The following ERCC6L2 variants were observed in gnomAD, a reference collection of about 807,000 sequenced individuals.
ERCC6L2 encodes the protein ERCC excision repair 6 like 2, also known as DNA excision repair protein ERCC-6-like 2.
ERCC6L2 carries 77 observed loss-of-function variants against 132.0 expected under a neutral mutation model. The ratio of observed to expected loss-of-function variants is 0.58; its 90% confidence interval spans 0.49 to 0.71. The LOEUF (loss-of-function observed/expected upper bound fraction) is 0.71, where lower values mean the gene tolerates loss of function less well. ERCC6L2 is among the 30% of genes least tolerant of loss of function. The pLI, the probability that ERCC6L2 is intolerant of heterozygous loss-of-function variation, is 0.00. For synonymous variants in ERCC6L2, 583 were observed against 632.4 expected (o/e 0.92, Z 1.17); for missense variants, 1,542 against 1,837.6 (o/e 0.84, Z 2.94).
At chr9:96,011,792 T>C (rs1834034374) in intron 18 of ERCC6L2, among the ~76,000 whole-genome samples, 1 of 152,212 alleles carries the variant, frequency 6.6e-6, no homozygotes, top group South Asian at 2.1e-4. Flanking sequence ...AAAATGTCTT[T>C]CTTAATTTTT....
At chr9:95,924,997 C>G (rs1294769369) in intron 9 of ERCC6L2, among the ~76,000 whole-genome samples, 2 of 152,186 alleles carry the variant, frequency 1.3e-5, no homozygotes, top group African/African-American at 4.8e-5. Context: ...TGCAGACTTA[C>G]AGGCTTATCA....
intron 14 of ERCC6L2, chr9:95,968,592 G>A (rs1292429806): frequency 6.6e-6 from 1 of 152,074 alleles, no homozygotes; most frequent in Non-Finnish European, 1.5e-5. Flanking sequence ...TTTAAAGGTT[G>A]TATAAAATCT....
chr9:95,931,577 A>G (rs1830341109), intron 11 of ERCC6L2, among the ~76,000 whole-genome samples: 1 of 152,202 alleles, frequency 6.6e-6, no homozygotes, highest in Non-Finnish European at 1.5e-5. Context: ...TCTCTCACTT[A>G]ATTGATACTT....
chr9:95,952,044 T>C (rs924094142), intron 12 of ERCC6L2, among the ~76,000 whole-genome samples: 20 of 151,488 alleles, frequency 1.3e-4, no homozygotes, highest in Non-Finnish European at 1.9e-4. Context: ...GGCGTGTGCC[T>C]GTAATCCCAG....
In ERCC6L2 at chr9:95,948,266, G is replaced by T. The variant is rs555992030; in HGVS notation, c.1847+6717G>T. ...GATGACTTTGAGGAGTTCGACTTTA[G>T]TAGAGGAAGTAATTCCAGATGTGGT... On this transcript the variant is annotated intron_variant, in intron 12 of 18. Transcript: ENST00000653738. Among the ~76,000 whole-genome samples the T allele has an allele frequency of 1.1e-4, 16 of 152,322 alleles. No individual in the cohort carries two copies. The South Asian group carries it at 3.3e-3, about 32-fold the overall frequency.
chr9:95,968,087 C>T (rs995026210), intron 14 of ERCC6L2: 3 of 152,098 alleles, frequency 2.0e-5, no homozygotes, highest in African/African-American at 4.8e-5. Context: ...CCTTGTTTAT[C>T]GTGCCACTGC....
chr9:95,918,540 G>T, intron 6 of ERCC6L2: 2 of 467,542 alleles, frequency 4.3e-6, no homozygotes, highest in South Asian at 1.7e-5. Context: ...AATGATGAAT[G>T]GAAGTCATTA....
chr9:96,006,234 C>T (rs987652222), intron 18 of ERCC6L2, among the ~76,000 whole-genome samples: 2 of 152,248 alleles, frequency 1.3e-5, no homozygotes, highest in African/African-American at 4.8e-5. Context: ...TCCCAGGACA[C>T]AGACTGGAGG....
intron 19 of ERCC6L2, among the ~76,000 whole-genome samples, chr9:96,034,607 C>T (rs963167923): frequency 9.2e-5 from 14 of 152,196 alleles, no homozygotes; most frequent in Admixed American, 2.0e-4. Flanking sequence ...GTAGAGGCCT[C>T]GGGCTGCTTG....
At chr9:95,967,914 A>T (rs113126324) in intron 14 of ERCC6L2, 97 of 152,276 alleles carry the variant, frequency 6.4e-4, no homozygotes, top group African/African-American at 2.2e-3. Context: ...TATTGATGTT[A>T]AAGTCAATTG....
chr9:95,888,073 T>G (rs1827969242), intron 2 of ERCC6L2, among the ~76,000 whole-genome samples: 1 of 151,852 alleles, frequency 6.6e-6, no homozygotes, highest in African/African-American at 2.4e-5. Flanking sequence ...TTGTGGTTTT[T>G]TTTTTTTTTT....
intron 17 of ERCC6L2, among the ~76,000 whole-genome samples, chr9:95,984,168 A>AATTTG (rs1832999337): frequency 6.7e-6 from 1 of 149,898 alleles, no homozygotes. Context: ...TATAATGTAT[A>AATTTG]TATGTTACAT....
downstream of ERCC6L2, among the ~76,000 whole-genome samples, chr9:96,019,449 T>A (rs972322080): frequency 1.3e-5 from 2 of 152,162 alleles, no homozygotes; most frequent in African/African-American, 4.8e-5. Context: ...AGTACCTAAG[T>A]GGCCTTCCTT....
chr9:95,904,764 ATTC>A (rs2132645535), intron 3 of ERCC6L2, among the ~76,000 whole-genome samples: 1 of 152,292 alleles, frequency 6.6e-6, no homozygotes, highest in South Asian at 2.1e-4. Context: ...ACACTACATC[ATTC>A]TTCTATGCCG....
chr9:95,973,596 T>C (rs2133087243), intron 16 of ERCC6L2, among the ~76,000 whole-genome samples: 1 of 152,150 alleles, frequency 6.6e-6, no homozygotes, highest in South Asian at 2.1e-4. Flanking sequence ...AGAGGGGAAC[T>C]CCTCTTTATA....
chr9:95,914,893 T>TTA (rs1829508814), intron 4 of ERCC6L2, among the ~76,000 whole-genome samples: 1 of 152,178 alleles, frequency 6.6e-6, no homozygotes, highest in Non-Finnish European at 1.5e-5. Context: ...TTTAAAAGTT[T>TTA]GAGTTCATAT....
intron 9 of ERCC6L2, among the ~76,000 whole-genome samples, chr9:95,926,605 T>C (rs1830112694): frequency 6.6e-6 from 1 of 151,982 alleles, no homozygotes; most frequent in African/African-American, 2.4e-5. Context: ...AAAAGAACAG[T>C]GGTTGCTATG....
chr9:96,008,571 T>A (rs1045128521), intron 18 of ERCC6L2, among the ~76,000 whole-genome samples: 3 of 152,182 alleles, frequency 2.0e-5, no homozygotes, highest in African/African-American at 7.2e-5. Flanking sequence ...TGAATTTCAT[T>A]ATGTCACAAC....
At chr9:96,021,371 G>A (rs1352220281), downstream of ERCC6L2, 3 of 317,266 alleles carry the variant, frequency 9.5e-6, no homozygotes, top group Admixed American at 1.4e-4. This position sits in a 1 kb window ranked among gnomAD's most constrained non-coding sequence, Gnocchi z 4.7. Flanking sequence ...CACACCTCGG[G>A]GAAGCCCAGT....
Sources: gnomAD v4.1 joint callset for allele counts (sites outside exome capture counted in the v4.1 genomes callset) on GRCh38, gnomAD v4.1.1 for gene constraint, Gnocchi (gnomAD v3.1) non-coding constraint, MANE v1.5 for transcripts, NCBI Gene and HGNC (gene_info 2026-07-23, HGNC 2026-07-21) for gene names.